CCT7: variants seen among roughly 807,000 people sequenced by gnomAD.
CCT7 encodes T-complex protein 1 subunit eta.
Under a neutral mutation model 56.6 loss-of-function variants are expected in CCT7, and 16 were observed. The observed-to-expected ratio is 0.28, with a 90% confidence interval of 0.19 to 0.43. The LOEUF is 0.43. CCT7 is among the 20% of genes least tolerant of loss of function. The pLI is 1.00. For synonymous variants in CCT7, 262 were observed against 254.8 expected, an observed-to-expected ratio of 1.03 and a Z score of -0.27; for missense variants, 519 against 685.6, an observed-to-expected ratio of 0.76 and a Z score of 2.71.
At chr2:73,244,092 G>C (rs1210321072) in intron 5 of CCT7, 43 bp downstream of exon 5, 1 of 1,556,594 alleles carries the variant, frequency 6.4e-7, no homozygotes, top group East Asian at 2.3e-5. Context: ...TAAAGAGACG[G>C]AGCCTTGCTG....
chr2:73,243,785 T>C, intron 4 of CCT7: 1 of 586,274 alleles, frequency 1.7e-6, no homozygotes, highest in Admixed American at 3.1e-5. Flanking sequence ...CAGAACTGTA[T>C]ACCCACTCTG....
At chr2:73,248,633 G>T (rs1687447122) in intron 7 of CCT7, among the ~76,000 whole-genome samples, 2 of 152,144 alleles carry the variant, frequency 1.3e-5, no homozygotes, top group Admixed American at 1.3e-4. Flanking sequence ...GTGATTACAG[G>T]CATGAGCCAC....
intron 3 of CCT7, among the ~76,000 whole-genome samples, chr2:73,241,284 C>T (rs567180452): frequency 6.6e-6 from 1 of 152,108 alleles, no homozygotes; most frequent in African/African-American, 2.4e-5. Flanking sequence ...ACAGGTATAG[C>T]ATATATAAAA....
At chr2:73,238,248 G>C (rs950069888) in intron 1 of CCT7, among the ~76,000 whole-genome samples, 1 of 152,094 alleles carries the variant, frequency 6.6e-6, no homozygotes, top group Non-Finnish European at 1.5e-5. Context: ...AAGCTTCCCA[G>C]GGCTTTCCTT....
Position 73,239,876 on chromosome 2 carries a change from A to G in CCT7, c.160+80A>G, listed in dbSNP as rs975550049. The G allele has an allele frequency of 1.6e-4, 201 of 1,237,502 alleles. 1 individual carries two copies. Among genetic ancestry groups the G allele is most frequent in the Non-Finnish European group, 1.5e-5 (13 of 873,422 alleles). 76.7% of individuals were successfully genotyped at this position (1,237,502 alleles called of 1,614,324 possible). ...GTGTTTGGGACTAGCATAGGTTGGT[A>G]TCAGAAATCCCACTGCTTTTAAGAT... On this transcript the variant is annotated intron_variant, in intron 2 of 11. Transcript: ENST00000258091.
intron 1 of CCT7, among the ~76,000 whole-genome samples, chr2:73,235,179 C>T (rs1014012182): frequency 1.1e-4 from 17 of 152,130 alleles, no homozygotes; most frequent in African/African-American, 3.4e-4. Context: ...GTCCTGGAGC[C>T]ACCTAAAGTG....
chr2:73,244,259 C>A, intron 5 of CCT7: 1 of 627,136 alleles, frequency 1.6e-6, no homozygotes, highest in Non-Finnish European at 2.8e-6. Flanking sequence ...ATGCTGCAAT[C>A]CCTCTATGTG....
rs1027226897 is a variant in CCT7 at position 73,239,787 on chromosome 2, G to T, written c.151G>T (p.Asp51Tyr). 1.9e-6 allele frequency: 3 copies of T among 1,613,788 alleles called. No homozygotes were observed. The highest frequency in any genetic ancestry group is 3.3e-5 in the Admixed American group (2 of 59,994). The change falls in exon 2 of 12, where the codon GAT becomes TAT. Residue 51 changes from aspartate (D) to tyrosine (Y), a missense_variant. Asp to Tyr is a radical substitution (Grantham distance 160). This residue lies in a region of CCT7 where 276 missense variants were observed against 357.3 expected (regional missense o/e 0.77). Coordinates refer to ENST00000258091, the MANE Select transcript of CCT7 (RefSeq NM_006429.4). ...GPRGMDKLIV[D>Y]GRGKATISND... ...CCGTGGCATGGACAAGCTTATTGTA[G>T]ATGGCAGAGGTAAGTCTACAGAGTT...
chr2:73,244,445 T>A, intron 5 of CCT7, 99 bp from the exon 6 acceptor site: 1 of 1,062,626 alleles, frequency 9.4e-7, no homozygotes, highest in Non-Finnish European at 1.3e-6. Context: ...GAGGGCTGAG[T>A]TTAGAGACTG....
At position 73,252,640 on chromosome 2, in the gene CCT7, G is replaced by A. The variant is rs371504283; in HGVS notation, c.1411G>A (p.Gly471Arg). ...CTCCTTTCTTTTCCTACTCTTTTAG[G>A]GGGGTACATGGTATGGAGTAGACAT... ...LNKLRARHAQ[G>R]GTWYGVDINN... Residue 471 changes from glycine (G) to arginine (R), a missense_variant and splice_region_variant, in exon 12 of 12, where the codon GGG becomes AGG. Physicochemically the swap from Gly to Arg is moderately radical, Grantham distance 125 (BLOSUM62 -2). This residue lies in a region of CCT7 where 237 missense variants were observed against 300.8 expected (regional missense o/e 0.79). Transcript: ENST00000258091. The A allele has an allele frequency of 4.0e-5, 65 of 1,612,146 alleles. No homozygotes were observed. Among genetic ancestry groups the A allele is most frequent in the East Asian group, 8.9e-5 (4 of 44,860 alleles).
In CCT7 at chr2:73,244,727, G is replaced by A. The variant is rs1412771842; in HGVS notation, c.618+12G>A. 1.2e-6 allele frequency: 2 copies of A among 1,602,100 alleles called. No individual in the cohort carries two copies. The highest frequency in any genetic ancestry group is 1.7e-5 in the Admixed American group (1 of 59,252). ...GTGGAGCCCTCGAGGTAAGCCTGCTGTGGCCTTCCTAGACAGCTCTTGCTT... is the reference window on the plus strand; with the variant it reads ...GTGGAGCCCTCGAGGTAAGCCTGCTATGGCCTTCCTAGACAGCTCTTGCTT... On this transcript the variant is annotated intron_variant, in intron 6 of 11. Transcript: ENST00000258091.
intron 6 of CCT7, among the ~76,000 whole-genome samples, chr2:73,246,235 CTCTT>C (rs1687331401): frequency 6.6e-6 from 1 of 152,222 alleles, no homozygotes. Context: ...GAGCCTCATG[CTCTT>C]TCTTGTGTCT....
intron 2 of CCT7, 36 bp downstream of exon 2, chr2:73,239,832 A>G (rs1396788977): frequency 6.2e-7 from 1 of 1,603,536 alleles, no homozygotes; most frequent in Non-Finnish European, 8.5e-7. Flanking sequence ...TGTGTGCAGG[A>G]AAGGAGGCTC....
At chr2:73,250,108 T>C (rs1687508766) in intron 9 of CCT7, among the ~76,000 whole-genome samples, 192 bp downstream of exon 9, 1 of 152,222 alleles carries the variant, frequency 6.6e-6, no homozygotes, top group South Asian at 2.1e-4. Context: ...TCTAAAAGCC[T>C]TGACTCCACA....
rs1574364183 is a variant in CCT7 at position 73,250,068 on chromosome 2, G to C, written c.1070+152G>C. On this transcript the variant is annotated intron_variant, in intron 9 of 11. Coordinates refer to ENST00000258091, the MANE Select transcript of CCT7 (RefSeq NM_006429.4). Reference sequence around the variant, plus strand: ...GAGTCTCACCTTTGAGCCATAAAGAGCTCAGATAATATACAGGATTACAGG... The same window carrying C: ...GAGTCTCACCTTTGAGCCATAAAGACCTCAGATAATATACAGGATTACAGG... The C allele has an allele frequency of 2.5e-5, 18 of 719,810 alleles. No homozygotes were observed. In the East Asian group the frequency reaches 4.6e-4, roughly 18 times the overall value. 44.6% of individuals were successfully genotyped at this position (719,810 alleles called of 1,614,324 possible).
At chr2:73,246,865 G>A (rs1397817070) in intron 6 of CCT7, among the ~76,000 whole-genome samples, 2 of 152,156 alleles carry the variant, frequency 1.3e-5, no homozygotes, top group East Asian at 1.9e-4. Flanking sequence ...CAGGAACTGG[G>A]GACAGATACT....
rs562417434 is a variant in CCT7 at position 73,234,608 on chromosome 2, G to A, written c.6+224G>A. 4.1e-4 allele frequency among the ~76,000 whole-genome samples: 63 copies of A among 152,334 alleles called. 1 individual carries two copies. Among genetic ancestry groups the A allele is most frequent in the Middle Eastern group, 6.8e-3 (2 of 294 alleles). ...GCGTGGGGCTTTAGAGGAGTCTCTG[G>A]GCTGGCCGGTTGGGGACTACAAGTC... On this transcript the variant is annotated intron_variant, in intron 1 of 11. Coordinates refer to ENST00000258091, the MANE Select transcript of CCT7 (RefSeq NM_006429.4).
intron 3 of CCT7, among the ~76,000 whole-genome samples, chr2:73,241,264 AGC>A (rs1687100041): frequency 6.6e-6 from 1 of 152,192 alleles, no homozygotes; most frequent in African/African-American, 2.4e-5. Context: ...TTAGGAGCCA[AGC>A]CTATAAAACA....
chr2:73,239,577 C>T (rs1687015257), intron 1 of CCT7, 66 bp from the exon 2 acceptor site: 1 of 1,453,632 alleles, frequency 6.9e-7, no homozygotes, highest in Non-Finnish European at 9.5e-7. Context: ...AGCATTTTCC[C>T]CTTTCCCCTG....
Sources: gnomAD v4.1 joint callset for allele counts (sites outside exome capture counted in the v4.1 genomes callset) on GRCh38, gnomAD v4.1.1 for gene constraint, gnomAD v4.1.1 regional missense constraint, MANE v1.5 for transcripts, NCBI Gene and HGNC (gene_info 2026-07-23, HGNC 2026-07-21) for gene names.